The following RBM25 variants were observed in gnomAD, a reference collection of about 807,000 sequenced individuals.
RBM25 encodes the protein RNA binding motif protein 25.
Under a neutral mutation model 120.7 loss-of-function variants are expected in RBM25, and 19 were observed. That is an observed-to-expected ratio of 0.16 (90% CI 0.11 to 0.23). The LOEUF (loss-of-function observed/expected upper bound fraction) is 0.23, where lower values mean the gene tolerates loss of function less well. Among genes scored for constraint, RBM25 ranks in the 10% least tolerant of loss-of-function variants. The probability of loss-of-function intolerance (pLI) is 1.00; values close to 1 mark genes in which losing one functional copy is unlikely to be tolerated. For synonymous variants in RBM25, 390 were observed against 326.7 expected, an observed-to-expected ratio of 1.19 and a Z score of -2.09; for missense variants, 605 against 1,041.5, an observed-to-expected ratio of 0.58 and a Z score of 5.77.
chr14:73,097,191 C>CTTTTG, intron 7 of RBM25, 91 bp downstream of exon 7: 1 of 374,074 alleles, frequency 2.7e-6, no homozygotes. Flanking sequence ...TTTCTTTTTT[C>CTTTTG]TTTTCTTTTT....
In RBM25 at chr14:73,111,852, G is replaced by C. The variant is rs73303093; in HGVS notation, c.2292+50G>C. The C allele has an allele frequency of 1.0e-3, 1,536 of 1,507,390 alleles. 11 individuals carry two copies. In the African/African-American group the frequency reaches 0.018, roughly 17 times the overall value. 93.4% of individuals were successfully genotyped at this position (1,507,390 alleles called of 1,614,324 possible). A position where few individuals can be genotyped will look rare whatever the true frequency, so the allele number is the denominator to read the frequency against. ...ATATTATTGGGAACAGTTGGAATATGCCATACAAATTCATTTGAAGAAAAA... is the reference window on the plus strand; with the variant it reads ...ATATTATTGGGAACAGTTGGAATATCCCATACAAATTCATTTGAAGAAAAA... On this transcript the variant is annotated intron_variant, in intron 16 of 18. Coordinates refer to ENST00000261973, the MANE Select transcript of RBM25 (RefSeq NM_021239.3).
At chr14:73,119,431 A>G (rs1305742202) in intron 18 of RBM25, among the ~76,000 whole-genome samples, 1 of 151,896 alleles carries the variant, frequency 6.6e-6, no homozygotes, top group Non-Finnish European at 1.5e-5. Flanking sequence ...ATGCCCAGCT[A>G]GTTTTTTGTA....
chr14:73,067,860 A>G lies in RBM25; in HGVS notation c.-15-3767A>G, dbSNP rs185448266. 3.3e-3 allele frequency among the ~76,000 whole-genome samples: 504 copies of G among 151,936 alleles called. 5 individuals are homozygous for G. The highest frequency in any genetic ancestry group is 0.027 in the Middle Eastern group (8 of 294). The stretch of plus-strand genomic sequence containing the variant: ...GTGATCCACCCGCTTCGGCCTCCCA[A>G]AGTGCTGGGATTACAGGTGTGAGCC... On this transcript the variant is annotated intron_variant, in intron 1 of 18. Transcript: ENST00000261973.
chr14:73,115,970 T>A (rs1264269853), intron 18 of RBM25, among the ~76,000 whole-genome samples: 1 of 152,202 alleles, frequency 6.6e-6, no homozygotes, highest in Admixed American at 6.5e-5. Flanking sequence ...TGGAAATAGT[T>A]GCCAGAGCAC....
chr14:73,106,757 A>C (rs1896197601), intron 12 of RBM25, among the ~76,000 whole-genome samples: 1 of 152,076 alleles, frequency 6.6e-6, no homozygotes, highest in African/African-American at 2.4e-5. Flanking sequence ...ACTATTTCTT[A>C]TAGTATCATC....
intron 10 of RBM25, among the ~76,000 whole-genome samples, chr14:73,104,757 G>A (rs1482562320): frequency 1.3e-5 from 2 of 152,126 alleles, no homozygotes; most frequent in Admixed American, 6.5e-5. Context: ...CAGCAAGGAA[G>A]AGAGAAAAAG....
chr14:73,098,461 TAAA>T (rs567355352), intron 7 of RBM25, among the ~76,000 whole-genome samples: 41 of 152,292 alleles, frequency 2.7e-4, no homozygotes, highest in African/African-American at 3.4e-4. Context: ...CATTATGTAA[TAAA>T]AAAGTACTAC....
At chr14:73,072,071 C>T (rs1895308118) in intron 2 of RBM25, among the ~76,000 whole-genome samples, 1 of 151,962 alleles carries the variant, frequency 6.6e-6, no homozygotes, top group South Asian at 2.1e-4. Context: ...CTCCTAGGCT[C>T]AAGCAGTTCT....
At chr14:73,070,074 TTTCTTTTTC>T (rs1233403985) in intron 1 of RBM25, among the ~76,000 whole-genome samples, 1 of 152,060 alleles carries the variant, frequency 6.6e-6, no homozygotes, top group African/African-American at 2.4e-5. Flanking sequence ...TGTTCTTTTT[TTTCTTTTTC>T]TTTTTCTTCC....
chr14:73,084,616 G>C (rs530125029), intron 5 of RBM25, among the ~76,000 whole-genome samples: 1 of 151,190 alleles, frequency 6.6e-6, no homozygotes, highest in Non-Finnish European at 1.5e-5. Context: ...GCAGTGGTGC[G>C]ATCTTGGCTC....
rs1212954798 is a variant in RBM25, at chr14:73,121,441, G to A, written c.*1636G>A. On this transcript the variant is annotated 3_prime_UTR_variant, in exon 19 of 19. Transcript: ENST00000261973. ...ATGGACTTGATTTTTATGACTATTG[G>A]TATCTAAAGGTCAAGGAAGCCATTT... The A allele has an allele frequency of 6.6e-6, 1 of 152,434 alleles. No homozygotes were observed. The highest frequency in any genetic ancestry group is 2.1e-4 in the South Asian group (1 of 4,830). 9.4% of individuals were successfully genotyped at this position (152,434 alleles called of 1,614,324 possible).
At chr14:73,080,461 G>A (rs1278925030) in intron 4 of RBM25, among the ~76,000 whole-genome samples, 1 of 152,034 alleles carries the variant, frequency 6.6e-6, no homozygotes, top group African/African-American at 2.4e-5. Flanking sequence ...CTGACCTCGT[G>A]ATCTGCCCGC....
chr14:73,120,098 T>A lies in RBM25; in HGVS notation c.*293T>A, dbSNP rs1475124307. On this transcript the variant is annotated 3_prime_UTR_variant, in exon 19 of 19. Transcript: ENST00000261973. ...ATATAATCTTGTTCTGCTGATTTGT[T>A]TCTTGTAAATATTAAAACGACTCCC... The A allele has an allele frequency of 4.3e-6, 1 of 231,666 alleles. No individual in the cohort carries two copies. The allele number at this position is 231,666 out of a possible 1,614,324, so 14.4% of individuals were successfully genotyped here. A position where few individuals can be genotyped will look rare whatever the true frequency, so the allele number is the denominator to read the frequency against.
At chr14:73,065,190 CGCGATCTCGGCTCACT>C in intron 1 of RBM25, 1 of 151,822 alleles carries the variant, frequency 6.6e-6, no homozygotes, top group Non-Finnish European at 1.5e-5. Flanking sequence ...AGTGCAGTGG[CGCGATCTCGGCTCACT>C]GCAACCTCGG....
chr14:73,098,422 T>C (rs1895993574), intron 7 of RBM25, among the ~76,000 whole-genome samples: 1 of 152,158 alleles, frequency 6.6e-6, no homozygotes, highest in Non-Finnish European at 1.5e-5. Context: ...GAATCACTCA[T>C]AGCTGGCTCA....
At chr14:73,059,928 A>T (rs947315295) in intron 1 of RBM25, among the ~76,000 whole-genome samples, 1 of 152,174 alleles carries the variant, frequency 6.6e-6, no homozygotes, top group Non-Finnish European at 1.5e-5. Flanking sequence ...TTCGTGCAGT[A>T]TCCAGGTAAC....
chr14:73,077,498 G>A lies in RBM25; in HGVS notation c.286G>A (p.Glu96Lys). The change falls in exon 4 of 19, where the codon GAG (glutamate) becomes AAG (lysine). Residue 96 changes from glutamate to lysine, a missense_variant. Transcript: ENST00000261973. Reference sequence around the variant, plus strand: ...CACTGTTTTTGTTGGCAACATTTCCGAGAAAGCTTCAGACATGCTTATAAG... The same window carrying A: ...CACTGTTTTTGTTGGCAACATTTCCAAGAAAGCTTCAGACATGCTTATAAG... The part of the protein sequence containing the change: ...TTTVFVGNIS[E>K]KASDMLIRQL... The A allele has an allele frequency of 6.2e-7, 1 of 1,613,790 alleles. No individual in the cohort carries two copies. Among genetic ancestry groups the A allele is most frequent in the Non-Finnish European group, 8.5e-7 (1 of 1,179,898 alleles).
intron 1 of RBM25, among the ~76,000 whole-genome samples, chr14:73,070,702 G>A (rs544215647): frequency 2.6e-5 from 4 of 151,916 alleles, no homozygotes; most frequent in South Asian, 2.1e-4. Context: ...TAATCCTAGC[G>A]CTTTGGGAAG....
chr14:73,079,658 A>G (rs1163235519), intron 4 of RBM25, among the ~76,000 whole-genome samples: 2 of 150,562 alleles, frequency 1.3e-5, no homozygotes, highest in African/African-American at 4.8e-5. Context: ...ATGCTGGGCA[A>G]TTACTTTACA....
Sources: allele counts gnomAD v4.1 joint callset (sites outside exome capture counted in the v4.1 genomes callset), GRCh38; gene constraint gnomAD v4.1.1; transcripts MANE v1.5; gene names NCBI Gene and HGNC (gene_info 2026-07-23, HGNC 2026-07-21).